METTL23: variants seen among roughly 807,000 people sequenced by gnomAD.
The protein encoded by METTL23 is methyltransferase 23, arginine, also known as histone-arginine methyltransferase METTL23.
A neutral mutation model predicts 21.2 loss-of-function variants in METTL23; 24 were observed. That is an observed-to-expected ratio of 1.13 (90% CI 0.82 to 1.59). METTL23 has a LOEUF of 1.59. Ranked by LOEUF, METTL23 falls within the 40% of genes most tolerant of loss-of-function variation. The pLI, the probability that METTL23 is intolerant of heterozygous loss-of-function variation, is 0.00. For synonymous variants in METTL23, 97 were observed against 75.2 expected (o/e 1.29, Z -1.50); for missense variants, 276 against 221.4 (o/e 1.25, Z -1.57).
chr17:76,729,669 A>G, intron 1 of METTL23, 21 bp from the exon 2 acceptor site: 1 of 1,474,806 alleles, frequency 6.8e-7, no homozygotes, highest in Non-Finnish European at 9.3e-7. Flanking sequence ...TATTTATGGC[A>G]CACAAAAACA....
At position 76,733,765 on chromosome 17, in the gene METTL23, A is replaced by G. The variant is rs1056038590; in HGVS notation, c.*79A>G. The G allele has an allele frequency of 1.5e-6, 2 of 1,317,084 alleles. No individual in the cohort carries two copies. The highest frequency in any genetic ancestry group is 1.5e-5 in the South Asian group (1 of 66,388). 81.6% of individuals were successfully genotyped at this position (1,317,084 alleles called of 1,614,324 possible). ...ACACAAACTATGAGCAGACCACTTC[A>G]GCTTGAGAATGCAGTGGGTCTGAAG... On this transcript the variant is annotated 3_prime_UTR_variant, in exon 5 of 5. Coordinates refer to ENST00000341249, the MANE Select transcript of METTL23 (RefSeq NM_001080510.5).
upstream of METTL23, chr17:76,726,511 G>A (rs2076941205): frequency 6.4e-7 from 1 of 1,570,044 alleles, no homozygotes; most frequent in Non-Finnish European, 8.6e-7. Context: ...CTACGACCTC[G>A]GCGCAGCCCG....
intron 1 of METTL23, among the ~76,000 whole-genome samples, chr17:76,728,935 A>G (rs1301230340): frequency 6.7e-6 from 1 of 149,648 alleles, no homozygotes; most frequent in East Asian, 2.0e-4. Flanking sequence ...CTGGGACTAC[A>G]GGTGCCCACC....
At chr17:76,733,409 T>G in intron 4 of METTL23, 32 bp downstream of exon 4, 1 of 1,608,268 alleles carries the variant, frequency 6.2e-7, no homozygotes, top group South Asian at 1.1e-5. Context: ...TTTTTATATG[T>G]AACTTAAGCC....
Position 76,733,216 on chromosome 17 carries a change from G to A in METTL23, c.322+1G>A, listed in dbSNP as rs893108909. 6.2e-7 allele frequency: 1 copy of A among 1,613,366 alleles called. No homozygotes were observed. Among genetic ancestry groups the A allele is most frequent in the Non-Finnish European group, 8.5e-7 (1 of 1,179,584 alleles). ...TCTGATGTGTTCTTTGAACCAGAAG[G>A]TAAGCTTTTTTGGCTCAATAGTACA... On this transcript the variant is annotated splice_donor_variant, in intron 3 of 4. Coordinates refer to ENST00000341249, the MANE Select transcript of METTL23 (RefSeq NM_001080510.5). LOFTEE classifies it high-confidence loss of function.
At chr17:76,731,085 C>A (rs944372633) in intron 2 of METTL23, among the ~76,000 whole-genome samples, 4 of 149,886 alleles carry the variant, frequency 2.7e-5, no homozygotes, top group African/African-American at 9.9e-5. Flanking sequence ...CCAGCCTGGG[C>A]GACAGAGCGA....
In METTL23 at chr17:76,729,379, C is replaced by A. The variant is rs1309638216; in HGVS notation, c.-21-311C>A. ...GACAGGCCTGAGTCACCGTGCCCGG[C>A]CCCTGACTAGAAATATCTTATTTGC... is the stretch of plus-strand genomic sequence containing the variant. On this transcript the variant is annotated intron_variant, in intron 1 of 4. Coordinates refer to ENST00000341249, the MANE Select transcript of METTL23 (RefSeq NM_001080510.5). 2.6e-5 allele frequency among the ~76,000 whole-genome samples: 4 copies of A among 152,338 alleles called. No homozygotes were observed. The East Asian group carries it at 7.7e-4, about 29-fold the overall frequency.
At chr17:76,732,743 C>CT (rs1264090949) in intron 2 of METTL23, 36 of 566,870 alleles carry the variant, frequency 6.4e-5, no homozygotes, top group Non-Finnish European at 9.7e-5. Flanking sequence ...ATACATGGCC[C>CT]TTTAATATTG....
At chr17:76,726,296 C>A (rs751007612), upstream of METTL23, 1 of 1,518,362 alleles carries the variant, frequency 6.6e-7, no homozygotes, top group Admixed American at 2.1e-5. Context: ...AGGTGCGTAG[C>A]GGCTGGAGGT....
In METTL23 at chr17:76,733,645, G is replaced by A. The variant is rs377563409; in HGVS notation, c.532G>A (p.Val178Ile). ...ATCTACCCTTCCAGGAAGACATACA[G>A]TTGAAATGCTGGTCATTTCCTTTGC... The part of the protein sequence containing the change: ...AESTLPGRHT[V>I]EMLVISFAKD... The change falls in exon 5 of 5, where the codon GTT becomes ATT. Residue 178 changes from valine to isoleucine, a missense_variant. By Grantham distance (29) the Val-to-Ile change is conservative (BLOSUM62 3). Coordinates refer to ENST00000341249, the MANE Select transcript of METTL23 (RefSeq NM_001080510.5). 1.9e-6 allele frequency: 3 copies of A among 1,613,554 alleles called. No homozygotes were observed. In the African/African-American group the frequency reaches 4.0e-5, roughly 22 times the overall value.
rs758314540 is a variant in METTL23, at chr17:76,727,137, C to G, written c.-63C>G. On this transcript the variant is annotated 5_prime_UTR_variant, in exon 1 of 5. Transcript: ENST00000341249. ...CTTTCGATTCTCGGAGGAGCCGGGT[C>G]CGGGGGCCGACGGGGCTGTCCTGGA... The G allele has an allele frequency of 7.1e-5, 32 of 450,736 alleles. No homozygotes were observed. Among genetic ancestry groups the G allele is most frequent in the East Asian group, 5.6e-4 (8 of 14,266 alleles). The allele number at this position is 450,736 out of a possible 1,614,324, so 27.9% of individuals were successfully genotyped here.
intron 1 of METTL23, chr17:76,727,481 T>G (rs1171671142): frequency 5.5e-6 from 1 of 181,132 alleles, no homozygotes; most frequent in Non-Finnish European, 1.2e-5. Context: ...ATTACAGGCA[T>G]GAGCCACTGC....
rs760739786 is a variant in METTL23 at position 76,727,080 on chromosome 17, G to C, written c.-120G>C. On this transcript the variant is annotated 5_prime_UTR_variant, in exon 1 of 5. Transcript: ENST00000341249. ...CAACGACGCCCTACTGGGCGAGCAC[G>C]ATTTCCGAGGACAGGGGGTCCGGGC... is the stretch of plus-strand genomic sequence containing the variant. The C allele has an allele frequency of 4.6e-5, 21 of 454,986 alleles. 1 individual carries two copies. Among genetic ancestry groups the C allele is most frequent in the South Asian group, 3.1e-4 (20 of 64,492 alleles). 28.2% of individuals were successfully genotyped at this position (454,986 alleles called of 1,614,324 possible).
rs761100307 is a variant in METTL23 at position 76,729,682 on chromosome 17, C to A, written c.-21-8C>A. 1.8e-5 allele frequency: 28 copies of A among 1,538,636 alleles called. 1 individual carries two copies. The highest frequency in any genetic ancestry group is 2.4e-5 in the Non-Finnish European group (27 of 1,129,150). On this transcript the variant is annotated splice_region_variant and splice_polypyrimidine_tract_variant and intron_variant, in intron 1 of 4. Coordinates refer to ENST00000341249, the MANE Select transcript of METTL23 (RefSeq NM_001080510.5). ...ATTATTTATGGCACACAAAAACATT[C>A]TTTTCAGGTCCTGCATCTCCAGTAT...
intron 2 of METTL23, among the ~76,000 whole-genome samples, chr17:76,730,043 G>A (rs1441260681): frequency 6.6e-6 from 1 of 152,132 alleles, no homozygotes; most frequent in Admixed American, 6.5e-5. Flanking sequence ...TGTAATCCCA[G>A]CATTTTGGGA....
Position 76,733,382 on chromosome 17 carries a change from G to A in METTL23, c.407+5G>A, listed in dbSNP as rs2077321518. 6.2e-7 allele frequency: 1 copy of A among 1,613,436 alleles called. No homozygotes were observed. ...GTCTACTTATCAAGTTAGGAGGCAA[G>A]TATGGATGACCCTTACTTTTTATAT... is the stretch of plus-strand genomic sequence containing the variant. On this transcript the variant is annotated splice_donor_5th_base_variant and intron_variant, in intron 4 of 4. Coordinates refer to ENST00000341249, the MANE Select transcript of METTL23 (RefSeq NM_001080510.5).
intron 2 of METTL23, 64 bp from the exon 3 acceptor site, chr17:76,732,914 A>C (rs1363473259): frequency 7.6e-7 from 1 of 1,322,976 alleles, no homozygotes; most frequent in Non-Finnish European, 1.1e-6. Flanking sequence ...AAAAAGTACT[A>C]AGATTCCCAA....
intron 1 of METTL23, among the ~76,000 whole-genome samples, 196 bp from the exon 2 acceptor site, chr17:76,729,494 G>A (rs1019411743): frequency 5.3e-5 from 8 of 152,318 alleles, no homozygotes; most frequent in Admixed American, 2.6e-4. Flanking sequence ...GACACTAGAA[G>A]CACTTGTTGA....
chr17:76,732,714 C>A (rs1477588351), intron 2 of METTL23: 2 of 508,946 alleles, frequency 3.9e-6, no homozygotes, highest in East Asian at 3.5e-5. Context: ...GTGTGCATAG[C>A]AATTAACTGC....
Sources: allele counts gnomAD v4.1 joint callset (sites outside exome capture counted in the v4.1 genomes callset), GRCh38; gene constraint gnomAD v4.1.1; transcripts MANE v1.5; gene names NCBI Gene and HGNC (gene_info 2026-07-23, HGNC 2026-07-21).